The following ADAMTSL1 variants were observed in gnomAD, a reference collection of about 807,000 sequenced individuals.
The protein encoded by ADAMTSL1 is ADAMTS like 1.
In ADAMTSL1, 126 loss-of-function variants were observed where a neutral mutation model predicts 201.8. The observed-to-expected ratio is 0.62, with a 90% CI of 0.54 to 0.72. ADAMTSL1 has a LOEUF of 0.72. ADAMTSL1 is among the 30% of genes least tolerant of loss of function. The probability of loss-of-function intolerance (pLI) is 0.00; values close to 1 mark genes in which losing one functional copy is unlikely to be tolerated. For synonymous variants in ADAMTSL1, 1,121 were observed against 903.4 expected (o/e 1.24, Z -4.32); for missense variants, 2,679 against 2,277.8 (o/e 1.18, Z -3.59).
intron 2 of ADAMTSL1, among the ~76,000 whole-genome samples, chr9:18,405,072 C>T (rs192445439): frequency 4.6e-5 from 7 of 152,220 alleles, no homozygotes; most frequent in Admixed American, 1.3e-4. Flanking sequence ...AAATACCTGA[C>T]GTGTTTGTCT....
At chr9:18,397,424 GA>G (rs1393287231) in intron 2 of ADAMTSL1, among the ~76,000 whole-genome samples, 1 of 151,890 alleles carries the variant, frequency 6.6e-6, no homozygotes, top group Non-Finnish European at 1.5e-5. Context: ...CTCCAAAAAA[GA>G]AAAAAAGCTC....
Position 18,504,839 on chromosome 9 carries a change from C to T in ADAMTSL1, c.74C>T (p.Thr25Ile), listed in dbSNP as rs756911048. The T allele has an allele frequency of 1.9e-6, 3 of 1,614,222 alleles. No homozygotes were observed. The highest frequency in any genetic ancestry group is 1.1e-5 in the South Asian group (1 of 91,086). Residue 25 changes from threonine to isoleucine, a missense_variant, in exon 2 of 29, where the codon ACC becomes ATC. Coordinates refer to ENST00000380548, the MANE Select transcript of ADAMTSL1 (RefSeq NM_001040272.6). ...TTTTGTTTCTCACAGAGTTCCAGGACCGCACGCTCCGAGGAGGACCGGGAC... is the reference window on the plus strand; with the variant it reads ...TTTTGTTTCTCACAGAGTTCCAGGATCGCACGCTCCGAGGAGGACCGGGAC... ...FLAFLLLSSR[T>I]ARSEEDRDGL...
intron 2 of ADAMTSL1, among the ~76,000 whole-genome samples, chr9:18,326,270 C>T (rs1834827890): frequency 6.6e-6 from 1 of 152,102 alleles, no homozygotes; most frequent in Admixed American, 6.5e-5. Context: ...GTGATTACCT[C>T]TAAGGAGGAG....
chr9:18,027,331 T>C (rs1173121063), intron 1 of ADAMTSL1, among the ~76,000 whole-genome samples: 2 of 151,996 alleles, frequency 1.3e-5, no homozygotes, highest in Non-Finnish European at 2.9e-5. Context: ...TCTTTCTAAC[T>C]TCTTGATGTA....
intron 2 of ADAMTSL1, among the ~76,000 whole-genome samples, chr9:18,224,309 C>T (rs12236686): frequency 0.15 from 23,417 of 152,054 alleles, 2,014 homozygotes; most frequent in East Asian, 0.24. Context: ...ATGCTATATC[C>T]TCCAGAGGAG....
At chr9:18,656,776 T>TA (rs1285429578) in intron 7 of ADAMTSL1, among the ~76,000 whole-genome samples, 1 of 152,184 alleles carries the variant, frequency 6.6e-6, no homozygotes, top group African/African-American at 2.4e-5. Context: ...AACCTCCTTA[T>TA]AAAAAGTAGT....
intron 23 of ADAMTSL1, among the ~76,000 whole-genome samples, chr9:18,836,004 T>A (rs1394265754): frequency 6.6e-6 from 1 of 152,216 alleles, no homozygotes; most frequent in Non-Finnish European, 1.5e-5. Context: ...TGATTTATTT[T>A]CTTTTGAATA....
chr9:18,322,479 A>G (rs1033720097), intron 2 of ADAMTSL1, among the ~76,000 whole-genome samples: 3 of 152,078 alleles, frequency 2.0e-5, no homozygotes, highest in Non-Finnish European at 4.4e-5. Context: ...CTAAAAGTAC[A>G]AAAATTAGCC....
chr9:18,010,702 T>C (rs1382147193), intron 1 of ADAMTSL1, among the ~76,000 whole-genome samples: 2 of 151,962 alleles, frequency 1.3e-5, no homozygotes, highest in East Asian at 1.9e-4. Context: ...CTAAGCCAAA[T>C]AGGACATGCA....
At chr9:18,091,620 C>T (rs1824020545) in intron 1 of ADAMTSL1, among the ~76,000 whole-genome samples, 1 of 152,194 alleles carries the variant, frequency 6.6e-6, no homozygotes, top group Admixed American at 6.5e-5. Context: ...TAACATTTAG[C>T]TGTGTATCCT....
chr9:18,679,621 A>G (rs1830327895), intron 10 of ADAMTSL1, among the ~76,000 whole-genome samples: 1 of 152,210 alleles, frequency 6.6e-6, no homozygotes, highest in South Asian at 2.1e-4. Flanking sequence ...CACAGTTCCA[A>G]GAGTTACTTA....
intron 3 of ADAMTSL1, 60 bp from the exon 4 acceptor site, chr9:18,573,970 G>GTTTCATGT: frequency 7.1e-7 from 1 of 1,410,254 alleles, no homozygotes; most frequent in Non-Finnish European, 9.8e-7. Flanking sequence ...AGCTGCTCTG[G>GTTTCATGT]TTTCATGTTT....
At chr9:18,552,931 T>C (rs1820874083) in intron 3 of ADAMTSL1, among the ~76,000 whole-genome samples, 1 of 151,702 alleles carries the variant, frequency 6.6e-6, no homozygotes. Context: ...TAAATATTTT[T>C]AATTTTTAAT....
chr9:18,035,165 G>C (rs901877571), intron 1 of ADAMTSL1, among the ~76,000 whole-genome samples: 13 of 152,076 alleles, frequency 8.5e-5, no homozygotes, highest in African/African-American at 3.1e-4. Context: ...ACATGGGACT[G>C]TGCATAAAGA....
chr9:18,014,679 G>A (rs1820183269), intron 1 of ADAMTSL1, among the ~76,000 whole-genome samples: 1 of 151,166 alleles, frequency 6.6e-6, no homozygotes, highest in Non-Finnish European at 1.5e-5. Context: ...TGTTAATGCT[G>A]AAGGATCATG....
chr9:18,438,837 C>T (rs1819869158), intron 2 of ADAMTSL1, among the ~76,000 whole-genome samples: 1 of 152,104 alleles, frequency 6.6e-6, no homozygotes, highest in African/African-American at 2.4e-5. Flanking sequence ...TGGAGAGGCT[C>T]ATTGCACCAC....
At position 17,909,558 on chromosome 9, in the gene ADAMTSL1, A is replaced by G. The variant is rs1588398883; in HGVS notation, c.87+2636A>G. ...GTATGTTTATTGCAGCATTATTCAC[A>G]ATAGCAAAGACTTGGAACCAACCCA... is the stretch of plus-strand genomic sequence containing the variant. On this transcript the variant is annotated intron_variant, in intron 1 of 29. Transcript: ENST00000680146. 2.9e-5 allele frequency among the ~76,000 whole-genome samples: 2 copies of G among 68,670 alleles called. 1 individual carries two copies. 45.1% of individuals were successfully genotyped at this position (68,670 alleles called of 152,430 possible).
chr9:18,251,357 G>T (rs1381391888), intron 2 of ADAMTSL1, among the ~76,000 whole-genome samples: 1 of 152,096 alleles, frequency 6.6e-6, no homozygotes, highest in Non-Finnish European at 1.5e-5. Flanking sequence ...AGACAAGAAA[G>T]TTTTATCGAG....
intron 2 of ADAMTSL1, among the ~76,000 whole-genome samples, chr9:18,242,491 G>C (rs147063663): frequency 5.7e-4 from 87 of 152,088 alleles, no homozygotes; most frequent in African/African-American, 2.0e-3. Context: ...ATTCAACATA[G>C]TGTTAGAACT....
Sources: allele counts gnomAD v4.1 joint callset (sites outside exome capture counted in the v4.1 genomes callset), GRCh38; gene constraint gnomAD v4.1.1; transcripts MANE v1.5; gene names NCBI Gene and HGNC (gene_info 2026-07-23, HGNC 2026-07-21).